WNK3: variants seen among roughly 807,000 people sequenced by gnomAD.
WNK3 encodes serine/threonine-protein kinase WNK3.
Under a neutral mutation model 116.7 loss-of-function variants are expected in WNK3, and 18 were observed. That is an observed-to-expected ratio of 0.15 (90% CI 0.11 to 0.23). WNK3 has a LOEUF of 0.23. Among genes scored for constraint, WNK3 ranks in the 10% least tolerant of loss-of-function variants. WNK3 has a pLI of 1.00. For missense variants in WNK3, 993 were observed against 1,323.8 expected (o/e 0.75, Z 3.88); for synonymous variants, 404 against 469.4 (o/e 0.86, Z 1.80).
intron 1 of WNK3, among the ~76,000 whole-genome samples, chrX:54,338,783 C>T (rs1207247058): frequency 9.2e-6 from 1 of 108,944 alleles, no homozygotes; most frequent in Non-Finnish European, 1.9e-5. Flanking sequence ...GGGTGGATCA[C>T]CTGAGGTCAG....
rs1557174785 is a variant in WNK3, at chrX:54,333,572, T to C, written c.102A>G (p.Thr34=). ...TTTTCTCCTTTAGTCTAGCTTCTACTGTCAAAGTTGCAGCGACCTGGGGAA... is the reference window on the plus strand; with the variant it reads ...TTTTCTCCTTTAGTCTAGCTTCTACCGTCAAAGTTGCAGCGACCTGGGGAA... The change falls in exon 2 of 24, where the codon ACA becomes ACG. Residue 34 remains threonine, a synonymous_variant. Transcript: ENST00000354646. 8.3e-7 allele frequency: 1 copy of C among 1,208,793 alleles called. No individual in the cohort carries two copies. Among genetic ancestry groups the C allele is most frequent in the Non-Finnish European group, 1.1e-6 (1 of 893,719 alleles).
At chrX:54,349,158 A>G (rs1378768396) in intron 1 of WNK3, among the ~76,000 whole-genome samples, 1 of 112,085 alleles carries the variant, frequency 8.9e-6, no homozygotes, top group Non-Finnish European at 1.9e-5. Flanking sequence ...CAACATGGCA[A>G]AACCCCGTCT....
intron 2 of WNK3, among the ~76,000 whole-genome samples, chrX:54,324,012 T>C (rs2069068807): frequency 1.8e-5 from 2 of 112,427 alleles, no homozygotes; most frequent in Non-Finnish European, 3.8e-5. Flanking sequence ...TGAGTCTCTC[T>C]AGACTAAAAT....
At chrX:54,217,760 G>C (rs1436648421) in intron 22 of WNK3, among the ~76,000 whole-genome samples, 1 of 111,678 alleles carries the variant, frequency 9.0e-6, no homozygotes, top group Non-Finnish European at 1.9e-5. Flanking sequence ...CTCCAGCCAT[G>C]GCTCTTTGAA....
intron 17 of WNK3, among the ~76,000 whole-genome samples, chrX:54,248,319 T>C (rs1195615472): frequency 3.6e-5 from 4 of 111,421 alleles, no homozygotes; most frequent in African/African-American, 1.3e-4. Flanking sequence ...CCAAACATGA[T>C]TAAATTAAAA....
chrX:54,308,435 C>T (rs2068850558), intron 4 of WNK3, among the ~76,000 whole-genome samples: 1 of 111,082 alleles, frequency 9.0e-6, no homozygotes, highest in East Asian at 2.8e-4. Flanking sequence ...CGTGATCCAC[C>T]CGCCTCAGGC....
exon 24 of WNK3, chrX:54,193,072 T>C (rs1165807708): frequency 3.6e-5 from 4 of 111,344 alleles, no homozygotes; most frequent in African/African-American, 1.3e-4. Flanking sequence ...CAACATTCTA[T>C]ATAATGCTAC....
chrX:54,334,648 T>C (rs781794344), intron 1 of WNK3, among the ~76,000 whole-genome samples: 1 of 112,548 alleles, frequency 8.9e-6, no homozygotes, highest in Non-Finnish European at 1.9e-5. Context: ...CTTTTGACTA[T>C]TGTGAATGTT....
chrX:54,307,943 T>C lies in WNK3; in HGVS notation c.1068A>G (p.Gln356=), dbSNP rs782059099. 4 of 1,198,470 alleles carry C rather than the reference T, an allele frequency of 3.3e-6. No individual in the cohort carries two copies. The South Asian group carries it at 5.6e-5, about 17-fold the overall frequency. Residue 356 remains glutamine (Q), a synonymous_variant, in exon 5 of 24, where the codon CAA becomes CAG. Transcript: ENST00000354646. ...CTACACTAGTTACTTTCCGGTATAT[T>C]TGAGCTGCATTCTGACACTCAGAAT...
intron 10 of WNK3, among the ~76,000 whole-genome samples, chrX:54,268,120 A>T (rs1336066191): frequency 9.3e-6 from 1 of 107,171 alleles, no homozygotes; most frequent in African/African-American, 3.5e-5. Flanking sequence ...ACACACACAC[A>T]CACACACTTC....
intron 7 of WNK3, among the ~76,000 whole-genome samples, chrX:54,295,448 G>A (rs1166202800): frequency 2.7e-5 from 3 of 111,266 alleles, no homozygotes; most frequent in Non-Finnish European, 5.6e-5. Context: ...CTGCCATTAC[G>A]TTTTTTGAAG....
chrX:54,280,071 G>T (rs1195005430), intron 10 of WNK3, among the ~76,000 whole-genome samples: 2 of 112,247 alleles, frequency 1.8e-5, no homozygotes, highest in Non-Finnish European at 3.8e-5. Context: ...GGCCGAGGCG[G>T]GTGGATCAGG....
At chrX:54,299,627 T>C (rs1012644661) in intron 6 of WNK3, among the ~76,000 whole-genome samples, 3 of 108,279 alleles carry the variant, frequency 2.8e-5, no homozygotes, top group Non-Finnish European at 5.7e-5. Flanking sequence ...GGTTTCACCA[T>C]GTTGGCCAGG....
chrX:54,329,646 T>TAA (rs782574798), intron 2 of WNK3, among the ~76,000 whole-genome samples: 2 of 95,449 alleles, frequency 2.1e-5, no homozygotes, highest in Non-Finnish European at 4.2e-5. Context: ...GACTCTGTCT[T>TAA]AAAAAAAAAA....
chrX:54,228,427 A>G (rs2067865646), intron 22 of WNK3, among the ~76,000 whole-genome samples: 1 of 112,149 alleles, frequency 8.9e-6, no homozygotes, highest in East Asian at 2.8e-4. Flanking sequence ...TTGATACAAA[A>G]TGTTTCAGCA....
chrX:54,302,460 G>A (rs1010184513), intron 5 of WNK3, among the ~76,000 whole-genome samples: 11 of 108,506 alleles, frequency 1.0e-4, no homozygotes, highest in African/African-American at 3.7e-4. Context: ...CACCAAGCCC[G>A]GCTAATTTTT....
chrX:54,221,749 C>G (rs59204215), intron 22 of WNK3, among the ~76,000 whole-genome samples: 3 of 110,835 alleles, frequency 2.7e-5, no homozygotes, highest in African/African-American at 9.9e-5. Flanking sequence ...GCAGGAGAAT[C>G]GCTTGAACCC....
intron 10 of WNK3, among the ~76,000 whole-genome samples, chrX:54,271,204 A>G (rs2068380571): frequency 8.9e-6 from 1 of 112,667 alleles, no homozygotes; most frequent in South Asian, 3.6e-4. Flanking sequence ...TTATAAAGAT[A>G]AAGAATACCA....
chrX:54,281,895 T>C (rs992047215), intron 10 of WNK3, among the ~76,000 whole-genome samples: 1 of 111,954 alleles, frequency 8.9e-6, no homozygotes, highest in Non-Finnish European at 1.9e-5. Flanking sequence ...ATCTTGGCTA[T>C]TGTGAATAAA....
Sources: gnomAD v4.1 joint callset for allele counts (sites outside exome capture counted in the v4.1 genomes callset) on GRCh38, gnomAD v4.1.1 for gene constraint, MANE v1.5 for transcripts, NCBI Gene and HGNC (gene_info 2026-07-23, HGNC 2026-07-21) for gene names.